Variants in SDK2 observed in about 807,000 individuals in gnomAD.
SDK2 encodes the protein sidekick cell adhesion molecule 2.
In SDK2, 105 loss-of-function variants were observed where a neutral mutation model predicts 253.9. The observed-to-expected ratio is 0.41, with a 90% CI of 0.35 to 0.49. SDK2 has a LOEUF of 0.49. Ranked by LOEUF, SDK2 falls within the 20% of genes least tolerant of loss-of-function variation. The pLI, the probability that SDK2 is intolerant of heterozygous loss-of-function variation, is 0.06. For synonymous variants in SDK2, 1,249 were observed against 1,234.9 expected, an observed-to-expected ratio of 1.01 and a Z score of -0.24; for missense variants, 2,608 against 3,003.0, an observed-to-expected ratio of 0.87 and a Z score of 3.07.
intron 3 of SDK2, among the ~76,000 whole-genome samples, chr17:73,456,477 C>T (rs2063526381): frequency 6.6e-6 from 1 of 152,152 alleles, no homozygotes; most frequent in African/African-American, 2.4e-5. Flanking sequence ...CTACAGTGTG[C>T]CCTTCAGCAT....
intron 36 of SDK2, among the ~76,000 whole-genome samples, chr17:73,373,854 C>A (rs907759365): frequency 6.6e-6 from 1 of 151,314 alleles, no homozygotes; most frequent in African/African-American, 2.4e-5. Flanking sequence ...CCAGGCTGGT[C>A]TCGAACTACT....
intron 1 of SDK2, among the ~76,000 whole-genome samples, chr17:73,566,066 C>T (rs935231619): frequency 2.0e-5 from 3 of 152,172 alleles, no homozygotes; most frequent in Non-Finnish European, 4.4e-5. Flanking sequence ...CATGATCCAC[C>T]CACCTTGGCC....
intron 1 of SDK2, among the ~76,000 whole-genome samples, chr17:73,536,339 G>A (rs1189179303): frequency 4.6e-5 from 7 of 152,208 alleles, no homozygotes. Context: ...TTTGGTGTTG[G>A]GAGTTCAGAG....
At chr17:73,444,767 G>C (rs2063440574) in intron 5 of SDK2, among the ~76,000 whole-genome samples, 1 of 152,196 alleles carries the variant, frequency 6.6e-6, no homozygotes, top group Non-Finnish European at 1.5e-5. Context: ...ACTCGCCTGG[G>C]CCACAGGTCG....
chr17:73,526,978 T>C (rs1292165973), intron 1 of SDK2, among the ~76,000 whole-genome samples: 1 of 152,198 alleles, frequency 6.6e-6, no homozygotes, highest in African/African-American at 2.4e-5. Context: ...GGTGTAGACA[T>C]GGCCCTGCCT....
In SDK2 at chr17:73,361,252, G is replaced by A. The variant is rs530020221; in HGVS notation, c.5467+432C>T. Among the ~76,000 whole-genome samples the A allele has an allele frequency of 1.3e-5, 2 of 152,292 alleles. No individual in the cohort carries two copies. The highest frequency in any genetic ancestry group is 2.9e-5 in the Non-Finnish European group (2 of 68,032). ...CGTGCATTTTAGTGCGCCCTGCTCTGAGAACCGCTGCCTGGAGGGTAGGGG... is the reference window on the plus strand; with the variant it reads ...CGTGCATTTTAGTGCGCCCTGCTCTAAGAACCGCTGCCTGGAGGGTAGGGG... On this transcript the variant is annotated intron_variant, in intron 39 of 44. Coordinates refer to ENST00000392650, the MANE Select transcript of SDK2 (RefSeq NM_001144952.2). The surrounding 1 kb of genome is among the most constrained non-coding windows in gnomAD (Gnocchi z 4.1).
In SDK2 at chr17:73,570,615, G is replaced by C. The variant is rs1013325593; in HGVS notation, c.65-63018C>G. On this transcript the variant is annotated intron_variant, in intron 1 of 44. Coordinates refer to ENST00000392650, the MANE Select transcript of SDK2 (RefSeq NM_001144952.2). The surrounding 1 kb of genome is among the most constrained non-coding windows in gnomAD (Gnocchi z 4.2). ...CGTGAGGCACTGAACACCACCATCAGCTCACCGCCATCTCGCAGCCACCCA... is the reference window on the plus strand; with the variant it reads ...CGTGAGGCACTGAACACCACCATCACCTCACCGCCATCTCGCAGCCACCCA... Among the ~76,000 whole-genome samples, 1 of 152,310 alleles carries C rather than the reference G, an allele frequency of 6.6e-6. No individual in the cohort carries two copies. Among genetic ancestry groups the C allele is most frequent in the East Asian group, 1.9e-4 (1 of 5,186 alleles).
intron 2 of SDK2, among the ~76,000 whole-genome samples, chr17:73,500,315 CCTCCTCCATCCTCCCTCCAT>C (rs1442425710): frequency 2.1e-5 from 3 of 141,546 alleles, no homozygotes; most frequent in Non-Finnish European, 3.1e-5. Flanking sequence ...CCTTCTCCAT[CCTCCTCCATCCTCCCTCCAT>C]CTCCTCCATC....
chr17:73,386,710 T>C (rs1305719122), intron 30 of SDK2, among the ~76,000 whole-genome samples, 162 bp from the exon 31 acceptor site: 2 of 152,176 alleles, frequency 1.3e-5, no homozygotes, highest in Admixed American at 1.3e-4. Flanking sequence ...GGAGCTTTGC[T>C]GCAAAGAGGA....
At chr17:73,461,215 A>G (rs1247241058) in intron 3 of SDK2, among the ~76,000 whole-genome samples, 1 of 152,278 alleles carries the variant, frequency 6.6e-6, no homozygotes, top group Non-Finnish European at 1.5e-5. Flanking sequence ...GTACTTTCTA[A>G]GTTCACTCAA....
In SDK2 at chr17:73,334,528, ATTTTT is replaced by A. The variant is rs973680060; in HGVS notation, c.*4054_*4058del. ...CACGCTATATGACATAGAGATATAT[ATTTTT>A]TTCTTACAGACAGACACCTGCCATA... is the stretch of plus-strand genomic sequence containing the variant. On this transcript the variant is annotated 3_prime_UTR_variant, in exon 45 of 45. Coordinates refer to ENST00000392650, the MANE Select transcript of SDK2 (RefSeq NM_001144952.2). 6.6e-6 allele frequency: 1 copy of A among 152,068 alleles called. No individual in the cohort carries two copies. The highest frequency in any genetic ancestry group is 1.5e-5 in the Non-Finnish European group (1 of 68,018). The allele number at this position is 152,068 out of a possible 1,614,324, so 9.4% of individuals were successfully genotyped here. A position where few individuals can be genotyped will look rare whatever the true frequency, so the allele number is the denominator to read the frequency against.
At chr17:73,547,260 C>A (rs2044980558) in intron 1 of SDK2, among the ~76,000 whole-genome samples, 1 of 152,258 alleles carries the variant, frequency 6.6e-6, no homozygotes, top group Non-Finnish European at 1.5e-5. Flanking sequence ...TCCTCATCTG[C>A]AACTCAGGGG....
intron 37 of SDK2, among the ~76,000 whole-genome samples, chr17:73,367,602 A>C (rs2062696918): frequency 6.6e-6 from 1 of 151,936 alleles, no homozygotes; most frequent in African/African-American, 2.4e-5. Flanking sequence ...TCCCGGGTTC[A>C]AGTGATTCTC....
chr17:73,350,272 C>T lies in SDK2; in HGVS notation c.6003G>A (p.Lys2001=). 1 of 1,581,600 alleles carries T rather than the reference C, an allele frequency of 6.3e-7. No homozygotes were observed. The highest frequency in any genetic ancestry group is 8.6e-7 in the Non-Finnish European group (1 of 1,165,258). The change falls in exon 43 of 45, where the codon AAG becomes AAA. Residue 2001 remains lysine, a synonymous_variant. Transcript: ENST00000392650. ...GGCCGTTCTTTCGGCAGAAAGAGTT[C>T]TTGACGGAGAGCCGCCTGTTGTTGA... ...LELNNRRLSV[K]NSFCRKNGLY...
chr17:73,573,135 C>T (rs772877213), intron 1 of SDK2, among the ~76,000 whole-genome samples: 1 of 152,204 alleles, frequency 6.6e-6, no homozygotes, highest in Non-Finnish European at 1.5e-5. Flanking sequence ...TCCACTTCCT[C>T]ACAATCAGCA....
intron 1 of SDK2, among the ~76,000 whole-genome samples, chr17:73,594,897 T>C (rs775923425): frequency 6.6e-6 from 1 of 151,454 alleles, no homozygotes; most frequent in African/African-American, 2.4e-5. Context: ...CACCTGCACA[T>C]ATACAAATAC....
intron 2 of SDK2, among the ~76,000 whole-genome samples, chr17:73,498,991 A>G (rs993903979): frequency 1.3e-5 from 2 of 152,156 alleles, no homozygotes; most frequent in African/African-American, 4.8e-5. Flanking sequence ...GGAAGCAGAG[A>G]TAATAATTGC....
chr17:73,551,775 C>T (rs2045063350), intron 1 of SDK2, among the ~76,000 whole-genome samples: 1 of 152,128 alleles, frequency 6.6e-6, no homozygotes, highest in African/African-American at 2.4e-5. Flanking sequence ...CCTAGTTGTC[C>T]CCCTAAGGGC....
At chr17:73,630,333 G>A (rs1027807394) in intron 1 of SDK2, among the ~76,000 whole-genome samples, 1 of 152,138 alleles carries the variant, frequency 6.6e-6, no homozygotes, top group East Asian at 1.9e-4. Flanking sequence ...TCCCCAAATG[G>A]TGCTCAAGTA....
Sources: gnomAD v4.1 joint callset for allele counts (sites outside exome capture counted in the v4.1 genomes callset) on GRCh38, gnomAD v4.1.1 for gene constraint, Gnocchi (gnomAD v3.1) non-coding constraint, MANE v1.5 for transcripts, NCBI Gene and HGNC (gene_info 2026-07-23, HGNC 2026-07-21) for gene names.